Variants in PGBD2 observed in about 807,000 individuals in gnomAD.
PGBD2 encodes piggyBac transposable element derived 2.
PGBD2 carries 6 observed loss-of-function variants against 8.1 expected under a neutral mutation model. That is an observed-to-expected ratio of 0.74 (90% CI 0.40 to 1.46). The LOEUF is 1.46. PGBD2 is among the 40% of genes most tolerant of loss of function. The pLI is 0.02. For missense variants in PGBD2, 802 were observed against 739.0 expected (o/e 1.09, Z -0.99); for synonymous variants, 318 against 272.2 (o/e 1.17, Z -1.66).
At chr1:248,921,211 T>C (rs1662279939), downstream of PGBD2, among the ~76,000 whole-genome samples, 1 of 152,234 alleles carries the variant, frequency 6.6e-6, no homozygotes, top group African/African-American at 2.4e-5. Flanking sequence ...ATGAAGTCTT[T>C]GCCCATGCCT....
the PGBD2 span, among the ~76,000 whole-genome samples, chr1:248,894,812 T>C: frequency 6.6e-5 from 10 of 151,474 alleles, no homozygotes; most frequent in African/African-American, 2.4e-4. Context: ...TCTTCTTTCT[T>C]AGATGAGGTC....
At chr1:248,911,050 C>T (rs1661852726) in intron 1 of PGBD2, among the ~76,000 whole-genome samples, 1 of 151,982 alleles carries the variant, frequency 6.6e-6, no homozygotes, top group Admixed American at 6.5e-5. Flanking sequence ...CCCCCCATCT[C>T]GAGCACCCAC....
the PGBD2 span, among the ~76,000 whole-genome samples, chr1:248,891,805 C>G: frequency 2.7e-4 from 41 of 152,216 alleles, no homozygotes; most frequent in African/African-American, 9.2e-4. Flanking sequence ...GCCTGGGCAA[C>G]AGAATGACAG....
At chr1:248,922,090 C>G (rs566484732), downstream of PGBD2, among the ~76,000 whole-genome samples, 95 of 148,024 alleles carry the variant, frequency 6.4e-4, no homozygotes, top group African/African-American at 2.3e-3. Context: ...GACAGAGTCT[C>G]ACTCTGTTGC....
At chr1:248,919,621 G>A (rs904724577), downstream of PGBD2, 4 of 166,762 alleles carry the variant, frequency 2.4e-5, no homozygotes, top group African/African-American at 9.7e-5. Context: ...TGGGATTCCT[G>A]AATCATATGG....
chr1:248,889,241 T>C, the PGBD2 span, among the ~76,000 whole-genome samples: 2 of 151,974 alleles, frequency 1.3e-5, no homozygotes, highest in African/African-American at 4.8e-5. Flanking sequence ...AAAAATTAGC[T>C]GGATGTGGTG....
chr1:248,918,132 C>T lies in PGBD2; in HGVS notation c.1548C>T (p.Phe516=), dbSNP rs757144627. The T allele has an allele frequency of 5.6e-6, 9 of 1,614,090 alleles. No individual in the cohort carries two copies. The highest frequency in any genetic ancestry group is 7.6e-6 in the Non-Finnish European group (9 of 1,180,028). The change falls in exon 3 of 3, where the codon TTC becomes TTT. Residue 516 remains phenylalanine (F), a synonymous_variant. Transcript: ENST00000329291. Reference sequence around the variant, plus strand: ...ATGCCCAGGTGGACCTCCTTGCCTTCCGGAGATACATTGCCTGTGTGTATC... The same window carrying T: ...ATGCCCAGGTGGACCTCCTTGCCTTTCGGAGATACATTGCCTGTGTGTATC... ...CQDAQVDLLA[F]RRYIACVYLE... is the part of the protein sequence containing the mutation.
chr1:248,904,702 C>A (rs925480493), upstream of PGBD2, among the ~76,000 whole-genome samples: 1 of 152,210 alleles, frequency 6.6e-6, no homozygotes, highest in Admixed American at 6.5e-5. Flanking sequence ...CCCTTGAATT[C>A]TGCATGGGGA....
the PGBD2 span, among the ~76,000 whole-genome samples, chr1:248,896,728 A>G: frequency 1.3e-5 from 2 of 152,228 alleles, no homozygotes; most frequent in Non-Finnish European, 2.9e-5. Context: ...AGTGCATTCT[A>G]TACCTTCAAC....
the PGBD2 span, among the ~76,000 whole-genome samples, chr1:248,896,239 G>T: frequency 6.6e-6 from 1 of 151,972 alleles, no homozygotes; most frequent in Non-Finnish European, 1.5e-5. Context: ...TTCTCAGGCC[G>T]TTGACTCAAA....
At position 248,912,818 on chromosome 1, in the gene PGBD2, T is replaced by TTTTG. The variant is rs1255478642; in HGVS notation, c.-47-996_-47-995insTGTT. 30 of 151,530 alleles carry TTTTG rather than the reference T, an allele frequency of 2.0e-4. No individual in the cohort carries two copies. The East Asian group carries it at 5.8e-3, about 29-fold the overall frequency. The allele number at this position is 151,530 out of a possible 1,614,324, so 9.4% of individuals were successfully genotyped here. ...CGCTCAGATTTTTTTTTTTTTTTTTTTTGAGATGGGGTTTCACTCCTGTTG... is the reference window on the plus strand; with the variant it reads ...CGCTCAGATTTTTTTTTTTTTTTTTTTTTGTTGAGATGGGGTTTCACTCCTGTTG... On this transcript the variant is annotated intron_variant, in intron 1 of 2. Coordinates refer to ENST00000329291, the MANE Select transcript of PGBD2 (RefSeq NM_170725.3).
chr1:248,874,934 A>AT, the PGBD2 span, among the ~76,000 whole-genome samples: 2 of 149,500 alleles, frequency 1.3e-5, no homozygotes, highest in African/African-American at 2.6e-5. Context: ...AGATAGATAG[A>AT]TAGATAGATA....
chr1:248,908,426 G>A (rs1336524679), intron 1 of PGBD2, among the ~76,000 whole-genome samples: 2 of 152,164 alleles, frequency 1.3e-5, no homozygotes, highest in African/African-American at 4.8e-5. Context: ...CAGCCATAGG[G>A]TGCCTGAAAT....
the PGBD2 span, among the ~76,000 whole-genome samples, chr1:248,900,097 C>CA: frequency 0.15 from 7,172 of 49,072 alleles, 692 homozygotes; most frequent in African/African-American, 0.27. Flanking sequence ...AATAGCCTAC[C>CA]AAAAAAAAAA....
chr1:248,916,877 C>T lies in PGBD2; in HGVS notation c.293C>T (p.Ala98Val). 6.2e-7 allele frequency: 1 copy of T among 1,614,002 alleles called. No individual in the cohort carries two copies. ...AATGACGACCTGGAGCTGCAGCCAG[C>T]CAAGAAGAGGCAGAAAGCAGTTGTG... Reference protein sequence around the residue: ...EDNDDLELQPAKKRQKAVVKP... With the variant: ...EDNDDLELQPVKKRQKAVVKP... The change falls in exon 3 of 3, where the codon GCC (alanine) becomes GTC (valine). Residue 98 changes from alanine (A) to valine (V), a missense_variant. Ala to Val is a moderately conservative substitution (Grantham distance 64). Coordinates refer to ENST00000329291, the MANE Select transcript of PGBD2 (RefSeq NM_170725.3).
At chr1:248,897,316 GTGCCAGCCGA>G in the PGBD2 span, among the ~76,000 whole-genome samples, 1 of 140,930 alleles carries the variant, frequency 7.1e-6, no homozygotes, top group Non-Finnish European at 1.5e-5. Flanking sequence ...GTGAGGTCCC[GTGCCAGCCGA>G]TGGAAACCAG....
chr1:248,880,834 G>A, the PGBD2 span, among the ~76,000 whole-genome samples: 1 of 152,094 alleles, frequency 6.6e-6, no homozygotes, highest in Non-Finnish European at 1.5e-5. Flanking sequence ...GTTGGTGTCT[G>A]GGCTTGTGTT....
the PGBD2 span, among the ~76,000 whole-genome samples, chr1:248,875,679 T>C: frequency 6.6e-6 from 1 of 152,228 alleles, no homozygotes; most frequent in African/African-American, 2.4e-5. Flanking sequence ...TTTATTTCTC[T>C]CTGGGTATCT....
chr1:248,899,890 A>C, the PGBD2 span, among the ~76,000 whole-genome samples: 2 of 151,898 alleles, frequency 1.3e-5, no homozygotes, highest in African/African-American at 4.8e-5. Flanking sequence ...GAAACAATAA[A>C]GGGGATATCA....
Sources: gnomAD v4.1 joint callset for allele counts (sites outside exome capture counted in the v4.1 genomes callset) on GRCh38, gnomAD v4.1.1 for gene constraint, MANE v1.5 for transcripts, NCBI Gene and HGNC (gene_info 2026-07-23, HGNC 2026-07-21) for gene names.